FBN2: variants seen among roughly 807,000 people sequenced by gnomAD.
FBN2 encodes the protein fibrillin 2.
A neutral mutation model predicts 355.6 loss-of-function variants in FBN2; 105 were observed. The observed-to-expected ratio is 0.30, with a 90% CI of 0.25 to 0.35. The LOEUF (loss-of-function observed/expected upper bound fraction) is 0.35. Among genes scored for constraint, FBN2 ranks in the 10% least tolerant of loss-of-function variants. FBN2 has a pLI of 1.00. For missense variants in FBN2, 3,280 were observed against 3,758.7 expected, an observed-to-expected ratio of 0.87 and a Z score of 3.33; for synonymous variants, 1,350 against 1,301.2, an observed-to-expected ratio of 1.04 and a Z score of -0.81.
Position 128,318,237 on chromosome 5 carries a change from G to C in FBN2, c.4629C>G (p.Val1543=). ...CAGGCGTGTTGACACATAGGCCATT[G>C]ACACAGTTTATAGGATCTGCACACT... ...IDECADPINC[V]NGLCVNTPGR... The change falls in exon 36 of 65, where the codon GTC becomes GTG. Residue 1543 remains valine, a synonymous_variant. Transcript: ENST00000262464. 1 of 1,613,946 alleles carries C rather than the reference G, an allele frequency of 6.2e-7. No individual in the cohort carries two copies.
intron 18 of FBN2, among the ~76,000 whole-genome samples, chr5:128,364,124 C>T (rs1323465120): frequency 2.0e-5 from 3 of 152,098 alleles, no homozygotes; most frequent in Non-Finnish European, 4.4e-5. Context: ...AAATTACATA[C>T]TTCAGTTTTT....
Position 128,530,805 on chromosome 5 carries a change from T to C in FBN2, c.338-112A>G, listed in dbSNP as rs151224144. On this transcript the variant is annotated intron_variant, in intron 2 of 64. Transcript: ENST00000262464. ...AAGCCTGAAAAACTAAGATAAAATATATGATATAAATGTCTAACTTCAGAT... is the reference window on the plus strand; with the variant it reads ...AAGCCTGAAAAACTAAGATAAAATACATGATATAAATGTCTAACTTCAGAT... 645 of 732,172 alleles carry C rather than the reference T, an allele frequency of 8.8e-4. 2 individuals are homozygous for C. In the African/African-American group the frequency reaches 0.01, roughly 12 times the overall value. The allele number at this position is 732,172 out of a possible 1,614,324, so 45.4% of individuals were successfully genotyped here. A position where few individuals can be genotyped will look rare whatever the true frequency, so the allele number is the denominator to read the frequency against.
intron 5 of FBN2, among the ~76,000 whole-genome samples, chr5:128,484,814 G>A (rs1444968023): frequency 6.6e-6 from 1 of 152,166 alleles, no homozygotes; most frequent in African/African-American, 2.4e-5. Flanking sequence ...CAACAGGGCT[G>A]AGACTCAGAG....
chr5:128,438,838 CTT>C (rs533785653), intron 7 of FBN2, among the ~76,000 whole-genome samples: 152 of 152,178 alleles, frequency 1.0e-3, no homozygotes, highest in Non-Finnish European at 2.8e-4. Flanking sequence ...AAGTCAAAAA[CTT>C]AGGTTAGGGC....
Position 128,537,385 on chromosome 5 carries a change from G to A in FBN2, c.219C>T (p.Arg73=), listed in dbSNP as rs1208524038. ...CGTCCTGCTGTCCTCGCCGGCGGAC[G>A]CGGCTGGCCACTGCGGCACCCTCCT... ...YREEGAAVAS[R]VRRRGQQDVL... Residue 73 remains arginine (R), a synonymous_variant, in exon 1 of 65, where the codon CGC becomes CGT. Transcript: ENST00000262464. The A allele has an allele frequency of 3.7e-6, 6 of 1,610,220 alleles. No homozygotes were observed. Among genetic ancestry groups the A allele is most frequent in the African/African-American group, 1.3e-5 (1 of 74,918 alleles).
At chr5:128,276,508 A>G (rs1018529900) in intron 58 of FBN2, among the ~76,000 whole-genome samples, 1 of 152,118 alleles carries the variant, frequency 6.6e-6, no homozygotes, top group African/African-American at 2.4e-5. Flanking sequence ...AGTTCTTTTA[A>G]ACTCTCTTTA....
intron 52 of FBN2, 74 bp from the exon 53 acceptor site, chr5:128,288,631 T>C: frequency 1.3e-6 from 2 of 1,551,438 alleles, no homozygotes; most frequent in Non-Finnish European, 1.8e-6. Context: ...AGACCCATGC[T>C]TGGCCCTCAC....
In FBN2 at chr5:128,278,771, A is replaced by G; in HGVS notation, c.7209T>C (p.Asn2403=). ...AGCAGCATTCTGACTTAGTGACGAG[A>G]TTGCGACTACTGGATGCCATTTGAC... ...TICQMASSSR[N]LVTKSECCCD... The change falls in exon 57 of 65, where the codon AAT becomes AAC. Residue 2403 remains asparagine (N), a synonymous_variant. Coordinates refer to ENST00000262464, the MANE Select transcript of FBN2 (RefSeq NM_001999.4). 1 of 1,614,142 alleles carries G rather than the reference A, an allele frequency of 6.2e-7. No homozygotes were observed. Among genetic ancestry groups the G allele is most frequent in the Non-Finnish European group, 8.5e-7 (1 of 1,180,006 alleles).
intron 8 of FBN2, among the ~76,000 whole-genome samples, chr5:128,403,101 C>A (rs1338267226): frequency 6.6e-6 from 1 of 151,982 alleles, no homozygotes; most frequent in African/African-American, 2.4e-5. Flanking sequence ...GTTTCAAATG[C>A]ACACATGCAT....
At chr5:128,399,666 G>C (rs1048092539) in intron 8 of FBN2, among the ~76,000 whole-genome samples, 1 of 151,978 alleles carries the variant, frequency 6.6e-6, no homozygotes, top group Non-Finnish European at 1.5e-5. Context: ...CAATATACTA[G>C]ATTTTAAAAA....
intron 19 of FBN2, among the ~76,000 whole-genome samples, chr5:128,360,752 G>C (rs1005724313): frequency 6.6e-6 from 1 of 151,432 alleles, no homozygotes; most frequent in Non-Finnish European, 1.5e-5. Context: ...GATGAAGAGA[G>C]AATGTTACAT....
At chr5:128,349,282 A>G in intron 23 of FBN2, 65 bp downstream of exon 23, 1 of 1,601,522 alleles carries the variant, frequency 6.2e-7, no homozygotes, top group Non-Finnish European at 8.6e-7. Context: ...TGGACTAGCC[A>G]CTGCTTAAAC....
At chr5:128,293,009 G>T (rs1049089609) in intron 48 of FBN2, among the ~76,000 whole-genome samples, 1 of 152,256 alleles carries the variant, frequency 6.6e-6, no homozygotes, top group African/African-American at 2.4e-5. Context: ...TTACCCCAAA[G>T]CAAAGATGAT....
chr5:128,305,864 G>T lies in FBN2; in HGVS notation c.5507C>A (p.Pro1836His), dbSNP rs1490178038. Residue 1836 changes from proline (P) to histidine (H), a missense_variant, in exon 43 of 65, where the codon CCT (proline) becomes CAT (histidine). Coordinates refer to ENST00000262464, the MANE Select transcript of FBN2 (RefSeq NM_001999.4). The part of the protein sequence containing the change: ...NQIGSFRCEC[P>H]TGFSYNDLLL... The stretch of plus-strand genomic sequence containing the variant: ...CAGGTCATTGTAACTGAATCCTGTA[G>T]GGCATTCACAGCGGAAACTGCCAAT... 11 of 1,613,930 alleles carry T rather than the reference G, an allele frequency of 6.8e-6. No individual in the cohort carries two copies. Among genetic ancestry groups the T allele is most frequent in the Non-Finnish European group, 9.3e-6 (11 of 1,179,890 alleles).
chr5:128,498,976 T>C (rs1364890472), intron 5 of FBN2, among the ~76,000 whole-genome samples: 2 of 152,236 alleles, frequency 1.3e-5, no homozygotes, highest in Admixed American at 1.3e-4. Context: ...TAAAGTTTAT[T>C]TGGGTTATTT....
At position 128,500,032 on chromosome 5, in the gene FBN2, C is replaced by T. The variant is rs549039195; in HGVS notation, c.628+19241G>A. ...TGAGTAATATGCACTTAATAAAGTG[C>T]AACAATATTAGTCTTAAATGTCAGC... On this transcript the variant is annotated intron_variant, in intron 5 of 64. Coordinates refer to ENST00000262464, the MANE Select transcript of FBN2 (RefSeq NM_001999.4). Among the ~76,000 whole-genome samples the T allele has an allele frequency of 1.4e-4, 21 of 152,246 alleles. No homozygotes were observed. In the South Asian group the frequency reaches 3.7e-3, roughly 27 times the overall value.
chr5:128,279,732 T>C (rs906286230), intron 56 of FBN2, among the ~76,000 whole-genome samples: 2 of 143,354 alleles, frequency 1.4e-5, no homozygotes, highest in South Asian at 2.3e-4. Context: ...AAATAAAATA[T>C]AATGTCTGAG....
chr5:128,432,798 G>A (rs1753659786), intron 7 of FBN2, among the ~76,000 whole-genome samples: 1 of 152,076 alleles, frequency 6.6e-6, no homozygotes, highest in Non-Finnish European at 1.5e-5. Context: ...CTGCTATAAA[G>A]AGCTCCCTGA....
chr5:128,434,377 G>A (rs1268247740), intron 7 of FBN2, among the ~76,000 whole-genome samples: 1 of 89,674 alleles, frequency 1.1e-5, no homozygotes, highest in Non-Finnish European at 2.1e-5. Context: ...TTCAATGCCT[G>A]GCAGTGAATA....
Sources: gnomAD v4.1 joint callset for allele counts (sites outside exome capture counted in the v4.1 genomes callset) on GRCh38, gnomAD v4.1.1 for gene constraint, MANE v1.5 for transcripts, NCBI Gene and HGNC (gene_info 2026-07-23, HGNC 2026-07-21) for gene names.